The following CFAP299 variants were observed in gnomAD, a reference collection of about 807,000 sequenced individuals.
CFAP299 encodes the protein cilia- and flagella-associated protein 299.
In CFAP299, 21 loss-of-function variants were observed where a neutral mutation model predicts 27.0. The ratio of observed to expected loss-of-function variants is 0.78; its 90% CI spans 0.55 to 1.12. CFAP299 has a LOEUF of 1.12. Ranked by LOEUF, CFAP299 falls within the 50% of genes most tolerant of loss-of-function variation. The pLI, the probability that CFAP299 is intolerant of heterozygous loss-of-function variation, is 0.00. For synonymous variants in CFAP299, 104 were observed against 98.1 expected, an observed-to-expected ratio of 1.06 and a Z score of -0.36; for missense variants, 310 against 276.6, an observed-to-expected ratio of 1.12 and a Z score of -0.86.
intron 2 of CFAP299, among the ~76,000 whole-genome samples, chr4:80,551,675 T>C (rs1315838324): frequency 6.6e-6 from 1 of 152,110 alleles, no homozygotes; most frequent in African/African-American, 2.4e-5. Context: ...TTGTCTAATA[T>C]TGGAGCTGAG....
chr4:80,739,257 A>G lies in CFAP299; in HGVS notation c.334-130736A>G, dbSNP rs556276676. On this transcript the variant is annotated intron_variant, in intron 3 of 5. Coordinates refer to ENST00000358105, the MANE Select transcript of CFAP299 (RefSeq NM_152770.3). Reference sequence around the variant, plus strand: ...CCTATGTGCTTACTATTACCAGTGCATTTTGAATCTTCAGATAATTAATTC... The same window carrying G: ...CCTATGTGCTTACTATTACCAGTGCGTTTTGAATCTTCAGATAATTAATTC... Among the ~76,000 whole-genome samples the G allele has an allele frequency of 2.6e-5, 4 of 152,236 alleles. No homozygotes were observed. The East Asian group carries it at 7.7e-4, about 29-fold the overall frequency.
intron 3 of CFAP299, among the ~76,000 whole-genome samples, chr4:80,749,225 G>C (rs1018026301): frequency 4.6e-5 from 7 of 152,094 alleles, no homozygotes; most frequent in Admixed American, 4.6e-4. Context: ...TGAGTATTAG[G>C]TGTAAAGCTT....
intron 4 of CFAP299, among the ~76,000 whole-genome samples, chr4:80,875,664 CAAAAAA>C (rs199860402): frequency 1.1e-5 from 1 of 90,786 alleles, no homozygotes; most frequent in African/African-American, 3.7e-5. Context: ...AACTCTGTCT[CAAAAAA>C]AAAAAAAAAA....
intron 3 of CFAP299, among the ~76,000 whole-genome samples, chr4:80,793,563 A>C (rs1015416309): frequency 2.0e-5 from 3 of 152,146 alleles, no homozygotes; most frequent in Non-Finnish European, 4.4e-5. Flanking sequence ...GAGATCATAC[A>C]TAATCTTCAA....
chr4:80,344,323 A>C (rs1722620307), intron 1 of CFAP299, among the ~76,000 whole-genome samples: 1 of 152,144 alleles, frequency 6.6e-6, no homozygotes, highest in Admixed American at 6.5e-5. Context: ...GGAAGATATC[A>C]CCACTGACCC....
intron 2 of CFAP299, among the ~76,000 whole-genome samples, chr4:80,483,378 A>G (rs1451912126): frequency 1.3e-5 from 2 of 149,808 alleles, no homozygotes; most frequent in Non-Finnish European, 1.5e-5. Context: ...ACCAGATGTA[A>G]TTTTATCATT....
At chr4:80,505,448 T>C (rs1275652025) in intron 2 of CFAP299, among the ~76,000 whole-genome samples, 1 of 82,428 alleles carries the variant, frequency 1.2e-5, no homozygotes, top group Non-Finnish European at 2.2e-5. Flanking sequence ...TCCCCTTCTC[T>C]CATGCCAGTT....
intron 4 of CFAP299, among the ~76,000 whole-genome samples, chr4:80,938,425 T>C (rs538242652): frequency 9.8e-5 from 15 of 152,362 alleles, no homozygotes; most frequent in African/African-American, 3.4e-4. Flanking sequence ...AAAGACATGA[T>C]CCTGCTGCAG....
At chr4:80,494,957 T>C (rs916561706) in intron 2 of CFAP299, among the ~76,000 whole-genome samples, 5 of 152,228 alleles carry the variant, frequency 3.3e-5, no homozygotes, top group Non-Finnish European at 5.9e-5. Flanking sequence ...AAAGTGATTA[T>C]GGTAATGAAG....
chr4:80,837,225 C>G (rs1041970008), intron 3 of CFAP299, among the ~76,000 whole-genome samples: 1 of 152,050 alleles, frequency 6.6e-6, no homozygotes, highest in Non-Finnish European at 1.5e-5. Flanking sequence ...TGTAATTCTT[C>G]TTATAGTTCA....
At chr4:80,881,407 G>C (rs1733698653) in intron 4 of CFAP299, among the ~76,000 whole-genome samples, 2 of 152,282 alleles carry the variant, frequency 1.3e-5, no homozygotes, top group East Asian at 3.9e-4. Flanking sequence ...TCAATCCCTG[G>C]AAAGGTATGC....
At chr4:80,772,620 T>C (rs569158275) in intron 3 of CFAP299, among the ~76,000 whole-genome samples, 1 of 152,196 alleles carries the variant, frequency 6.6e-6, no homozygotes, top group Admixed American at 6.5e-5. Flanking sequence ...TAGGTAAACA[T>C]GTGCCATGGT....
At chr4:80,410,595 C>T (rs984134660) in intron 2 of CFAP299, among the ~76,000 whole-genome samples, 1 of 152,138 alleles carries the variant, frequency 6.6e-6, no homozygotes, top group East Asian at 1.9e-4. Context: ...GTTTCTTACC[C>T]GTCCATGTAT....
chr4:80,338,173 TTAAC>T (rs1722254567), intron 1 of CFAP299, among the ~76,000 whole-genome samples: 1 of 152,206 alleles, frequency 6.6e-6, no homozygotes, highest in Non-Finnish European at 1.5e-5. Context: ...ACATTTTATT[TTAAC>T]TAACAAAATT....
intron 3 of CFAP299, among the ~76,000 whole-genome samples, chr4:80,724,423 TA>T (rs544682501): frequency 2.0e-5 from 3 of 151,656 alleles, no homozygotes; most frequent in Admixed American, 1.3e-4. Flanking sequence ...ATTACTCATT[TA>T]AAAAATGATT....
At chr4:80,330,809 C>G (rs1441792121), upstream of CFAP299, among the ~76,000 whole-genome samples, 1 of 152,140 alleles carries the variant, frequency 6.6e-6, no homozygotes, top group Non-Finnish European at 1.5e-5. Flanking sequence ...ATGCCTTTCA[C>G]CTTGTTTCCA....
intron 1 of CFAP299, among the ~76,000 whole-genome samples, chr4:80,345,723 C>T (rs1404069810): frequency 1.3e-5 from 2 of 152,040 alleles, no homozygotes; most frequent in Non-Finnish European, 2.9e-5. Context: ...TGAATAGCGC[C>T]ACAATAAACA....
At chr4:80,881,661 T>C (rs1183722676) in intron 4 of CFAP299, among the ~76,000 whole-genome samples, 1 of 152,130 alleles carries the variant, frequency 6.6e-6, no homozygotes, top group African/African-American at 2.4e-5. Context: ...CTTCTTTAAA[T>C]GTACAGACAA....
intron 3 of CFAP299, among the ~76,000 whole-genome samples, chr4:80,657,077 T>G (rs942402975): frequency 2.0e-5 from 3 of 149,328 alleles, no homozygotes; most frequent in Non-Finnish European, 3.0e-5. Context: ...AAGTTATTTG[T>G]TTTTTTTTTC....
Sources: gnomAD v4.1 joint callset for allele counts (sites outside exome capture counted in the v4.1 genomes callset) on GRCh38, gnomAD v4.1.1 for gene constraint, MANE v1.5 for transcripts, NCBI Gene and HGNC (gene_info 2026-07-23, HGNC 2026-07-21) for gene names.